Variants in KIAA1671 observed in about 807,000 individuals in gnomAD.
KIAA1671 encodes KIAA1671, also known as uncharacterized protein KIAA1671.
A neutral mutation model predicts 131.2 loss-of-function variants in KIAA1671; 52 were observed. The observed-to-expected ratio is 0.40, with a 90% CI of 0.32 to 0.50. The LOEUF (loss-of-function observed/expected upper bound fraction) is 0.50. Among genes scored for constraint, KIAA1671 ranks in the 20% least tolerant of loss-of-function variants. The pLI is 0.73. For synonymous variants in KIAA1671, 1,003 were observed against 961.6 expected (o/e 1.04, Z -0.80); for missense variants, 2,360 against 2,364.2 (o/e 1.00, Z 0.04).
At chr22:25,066,442 C>T (rs1230836287) in intron 6 of KIAA1671, among the ~76,000 whole-genome samples, 1 of 152,198 alleles carries the variant, frequency 6.6e-6, no homozygotes, top group Non-Finnish European at 1.5e-5. Flanking sequence ...AGCCACCATG[C>T]CTGACCTCAA....
At chr22:24,968,967 A>G (rs923045484) in intron 1 of KIAA1671, among the ~76,000 whole-genome samples, 15 of 152,118 alleles carry the variant, frequency 9.9e-5, no homozygotes, top group Admixed American at 6.5e-5. Flanking sequence ...TGGTGCAGTC[A>G]TGGCTCACTG....
At chr22:25,010,803 A>G (rs1415032804) in intron 1 of KIAA1671, 1 of 152,248 alleles carries the variant, frequency 6.6e-6, no homozygotes, top group Non-Finnish European at 1.5e-5. Flanking sequence ...CACATAAAAA[A>G]TCAAGAGGAG....
chr22:25,034,852 C>T (rs1402847396), intron 4 of KIAA1671, among the ~76,000 whole-genome samples: 1 of 152,216 alleles, frequency 6.6e-6, no homozygotes, highest in African/African-American at 2.4e-5. Context: ...ATTCTCCTGC[C>T]TCAGCCTCCT....
At chr22:25,181,462 G>A (rs1419468853) in intron 9 of KIAA1671, among the ~76,000 whole-genome samples, 1 of 152,102 alleles carries the variant, frequency 6.6e-6, no homozygotes, top group Non-Finnish European at 1.5e-5. Context: ...CTGTCCTCCC[G>A]CAAAAGAAAA....
At chr22:25,104,745 ATTT>A (rs375778945) in intron 6 of KIAA1671, among the ~76,000 whole-genome samples, 1 of 148,568 alleles carries the variant, frequency 6.7e-6, no homozygotes, top group African/African-American at 2.5e-5. Context: ...GCAATTGTTC[ATTT>A]TTTTTTTCCT....
intron 1 of KIAA1671, among the ~76,000 whole-genome samples, chr22:24,999,896 G>T (rs775702869): frequency 9.9e-5 from 15 of 151,688 alleles, no homozygotes; most frequent in Non-Finnish European, 1.6e-4. Flanking sequence ...TGCTTTGTTT[G>T]TTTGTTTTTT....
intron 1 of KIAA1671, among the ~76,000 whole-genome samples, chr22:25,004,022 T>C (rs1244283391): frequency 1.3e-5 from 2 of 151,592 alleles, no homozygotes; most frequent in African/African-American, 4.9e-5. Flanking sequence ...TTTCACCATG[T>C]TGGCCAGGCT....
chr22:25,032,967 A>G (rs1012807432), intron 4 of KIAA1671, among the ~76,000 whole-genome samples: 90 of 152,194 alleles, frequency 5.9e-4, no homozygotes, highest in Non-Finnish European at 2.2e-4. Flanking sequence ...GCTTTCTTAT[A>G]TAGGAGTGCC....
chr22:25,039,680 G>T lies in KIAA1671; in HGVS notation c.2550G>T (p.Arg850Ser). 1 of 1,521,982 alleles carries T rather than the reference G, an allele frequency of 6.6e-7. No individual in the cohort carries two copies. The allele number at this position is 1,521,982 out of a possible 1,614,324, so 94.3% of individuals were successfully genotyped here. ...GTGCTCCCGGGGCCACCTCCGTCAG[G>T]GCTATCAAGGCTGCCATCTGGGAAA... ...EHCAPGATSV[R>S]AIKAAIWESQ... Residue 850 changes from arginine to serine, a missense_variant, in exon 5 of 13, where the codon AGG becomes AGT. Transcript: ENST00000358431.
At chr22:25,156,796 C>A (rs763586521) in intron 6 of KIAA1671, among the ~76,000 whole-genome samples, 4 of 152,144 alleles carry the variant, frequency 2.6e-5, no homozygotes, top group Admixed American at 6.5e-5. Context: ...GGAATGTCAT[C>A]ATTCCCATAG....
chr22:25,165,392 G>A (rs983333233), intron 6 of KIAA1671, among the ~76,000 whole-genome samples: 1 of 152,158 alleles, frequency 6.6e-6, no homozygotes, highest in African/African-American at 2.4e-5. Flanking sequence ...TTCTGGCTCT[G>A]GAAGCAGTGT....
chr22:25,098,788 G>T (rs1206871063), intron 6 of KIAA1671, among the ~76,000 whole-genome samples: 1 of 152,186 alleles, frequency 6.6e-6, no homozygotes, highest in Non-Finnish European at 1.5e-5. Flanking sequence ...CCTTTGTCAA[G>T]ATGCCAGGGC....
chr22:25,017,512 T>G (rs1378037602), intron 1 of KIAA1671, among the ~76,000 whole-genome samples: 2 of 152,190 alleles, frequency 1.3e-5, no homozygotes, highest in African/African-American at 4.8e-5. Flanking sequence ...AGTCCTCAAT[T>G]TGGTCTAGTG....
chr22:24,968,751 G>A (rs182987434), intron 1 of KIAA1671, among the ~76,000 whole-genome samples: 126 of 152,236 alleles, frequency 8.3e-4, no homozygotes, highest in Admixed American at 1.9e-3. Context: ...TGGGGGACCC[G>A]CCTGCTTACT....
intron 1 of KIAA1671, among the ~76,000 whole-genome samples, chr22:25,024,980 G>T (rs1925856128): frequency 6.6e-6 from 1 of 150,878 alleles, no homozygotes; most frequent in South Asian, 2.1e-4. Context: ...GTCTGTGTCT[G>T]TGTGTGAGCA....
intron 1 of KIAA1671, among the ~76,000 whole-genome samples, chr22:24,978,995 A>G (rs572064918): frequency 1.8e-4 from 25 of 139,630 alleles, no homozygotes; most frequent in African/African-American, 6.2e-4. Flanking sequence ...AATCATCTTA[A>G]TCATTTTTTT....
intron 6 of KIAA1671, among the ~76,000 whole-genome samples, chr22:25,160,548 C>G (rs1933407295): frequency 6.6e-6 from 1 of 152,190 alleles, no homozygotes; most frequent in African/African-American, 2.4e-5. Flanking sequence ...TGCTCTCCCT[C>G]CTCCACACCA....
At chr22:25,086,186 C>T (rs1462698281) in intron 6 of KIAA1671, among the ~76,000 whole-genome samples, 2 of 152,290 alleles carry the variant, frequency 1.3e-5, no homozygotes, top group Middle Eastern at 3.4e-3. Context: ...ACAATGAATG[C>T]GAAAATGAAA....
rs59590267 is a variant in KIAA1671 at position 25,188,447 on chromosome 22, GGTGTGTGTGTGTGT to G, written c.5343-2222_5343-2209del. ...TTCTCCAGAGAAACAGAGCCAATCG[GGTGTGTGTGTGTGT>G]GTGTGTGTGTGTGTGTGTGTGTGTG... On this transcript the variant is annotated intron_variant, in intron 11 of 12. Transcript: ENST00000358431. Among the ~76,000 whole-genome samples the G allele has an allele frequency of 4.5e-3, 617 of 137,964 alleles. 3 individuals carry two copies. The highest frequency in any genetic ancestry group is 0.014 in the African/African-American group (532 of 37,496). The allele number at this position is 137,964 out of a possible 152,430, so 90.5% of individuals were successfully genotyped here. A position where few individuals can be genotyped will look rare whatever the true frequency, so the allele number is the denominator to read the frequency against.
Sources: gnomAD v4.1 joint callset for allele counts (sites outside exome capture counted in the v4.1 genomes callset) on GRCh38, gnomAD v4.1.1 for gene constraint, MANE v1.5 for transcripts, NCBI Gene and HGNC (gene_info 2026-07-23, HGNC 2026-07-21) for gene names.